CEP112: variants seen among roughly 807,000 people sequenced by gnomAD.
The protein encoded by CEP112 is centrosomal protein 112, also known as centrosomal protein of 112 kDa.
A neutral mutation model predicts 153.0 loss-of-function variants in CEP112; 127 were observed. That is an observed-to-expected ratio of 0.83 (90% confidence interval 0.72 to 0.96). The LOEUF (loss-of-function observed/expected upper bound fraction) is 0.96. Among genes scored for constraint, CEP112 ranks in the 40% least tolerant of loss-of-function variants. CEP112 has a pLI of 0.00. For synonymous variants in CEP112, 358 were observed against 374.4 expected (o/e 0.96, Z 0.51); for missense variants, 1,089 against 1,101.2 (o/e 0.99, Z 0.16).
At chr17:65,702,094 T>C (rs1375874227) in intron 23 of CEP112, among the ~76,000 whole-genome samples, 1 of 152,088 alleles carries the variant, frequency 6.6e-6, no homozygotes, top group African/African-American at 2.4e-5. Context: ...CAGGCTGGTG[T>C]TGAACTCCTG....
intron 5 of CEP112, among the ~76,000 whole-genome samples, chr17:66,130,093 C>T (rs1014107952): frequency 3.3e-5 from 5 of 152,064 alleles, no homozygotes; most frequent in African/African-American, 1.2e-4. Context: ...GTTTTGTGTG[C>T]TTGTCTGGTA....
chr17:65,775,725 AC>A (rs2053640006), intron 21 of CEP112, among the ~76,000 whole-genome samples: 1 of 151,770 alleles, frequency 6.6e-6, no homozygotes, highest in South Asian at 2.1e-4. Flanking sequence ...CTTGTTTCTA[AC>A]CCCTGACCTC....
At chr17:65,756,642 G>A (rs762371458) in intron 21 of CEP112, among the ~76,000 whole-genome samples, 9 of 152,130 alleles carry the variant, frequency 5.9e-5, no homozygotes, top group Admixed American at 2.6e-4. Flanking sequence ...GAAATTCAGA[G>A]AGGAGAGGCA....
chr17:65,823,894 T>C (rs1286918282), intron 21 of CEP112, among the ~76,000 whole-genome samples: 2 of 152,134 alleles, frequency 1.3e-5, no homozygotes, highest in Non-Finnish European at 2.9e-5. Flanking sequence ...ATTAGGGAAA[T>C]GCATGAATGG....
At chr17:66,176,172 A>T (rs1158774096) in intron 3 of CEP112, among the ~76,000 whole-genome samples, 1 of 152,178 alleles carries the variant, frequency 6.6e-6, no homozygotes, top group Non-Finnish European at 1.5e-5. Context: ...GCAGTTCATT[A>T]AAAAAATACA....
At chr17:66,009,696 C>T (rs1009251285) in intron 16 of CEP112, among the ~76,000 whole-genome samples, 1 of 152,184 alleles carries the variant, frequency 6.6e-6, no homozygotes, top group Middle Eastern at 3.4e-3. Flanking sequence ...GCCAGTTATC[C>T]CAGCACCATT....
At chr17:65,847,701 A>G (rs891600030) in intron 21 of CEP112, among the ~76,000 whole-genome samples, 2 of 152,214 alleles carry the variant, frequency 1.3e-5, no homozygotes, top group African/African-American at 4.8e-5. Flanking sequence ...AGTGGGTGGG[A>G]GGAAACAAGC....
At chr17:65,997,902 T>G (rs1185715524) in intron 17 of CEP112, among the ~76,000 whole-genome samples, 2 of 152,120 alleles carry the variant, frequency 1.3e-5, no homozygotes, top group African/African-American at 2.4e-5. Context: ...TACCTTAGCT[T>G]AGGTCTCTAC....
At position 66,159,187 on chromosome 17, in the gene CEP112, C is replaced by T. The variant is rs200098028; in HGVS notation, c.470+15857G>A. 1.6e-4 allele frequency among the ~76,000 whole-genome samples: 25 copies of T among 152,260 alleles called. No homozygotes were observed. The East Asian group carries it at 4.4e-3, about 27-fold the overall frequency. ...ACCCTGAATAGACCAATAACAAGTT[C>T]TGAAATTGAGGCAGTAATTAATAGC... On this transcript the variant is annotated intron_variant, in intron 4 of 26. Coordinates refer to ENST00000535342, the MANE Select transcript of CEP112 (RefSeq NM_001199165.4).
intron 23 of CEP112, among the ~76,000 whole-genome samples, chr17:65,721,009 C>CTTTTT (rs57507655): frequency 2.4e-5 from 3 of 125,744 alleles, no homozygotes; most frequent in Non-Finnish European, 3.4e-5. Flanking sequence ...CTCTCTCTCT[C>CTTTTT]TTTTTTTTTT....
chr17:66,132,838 AT>A, intron 4 of CEP112, 75 bp from the exon 5 acceptor site: 1 of 986,892 alleles, frequency 1.0e-6, no homozygotes, highest in South Asian at 1.3e-5. Flanking sequence ...TAGGATTACC[AT>A]TTCTTTCCCT....
intron 16 of CEP112, among the ~76,000 whole-genome samples, chr17:66,025,345 G>A (rs1411611529): frequency 3.3e-5 from 5 of 152,002 alleles, no homozygotes; most frequent in African/African-American, 7.3e-5. Flanking sequence ...AAAGACAACC[G>A]TAAGAATAGG....
chr17:65,888,602 T>C (rs1220831351), intron 20 of CEP112, among the ~76,000 whole-genome samples: 1 of 152,200 alleles, frequency 6.6e-6, no homozygotes, highest in Non-Finnish European at 1.5e-5. Flanking sequence ...CATTTTGAAT[T>C]TTGGAATGCA....
At chr17:65,696,217 G>A (rs1449480725) in intron 23 of CEP112, among the ~76,000 whole-genome samples, 1 of 152,148 alleles carries the variant, frequency 6.6e-6, no homozygotes, top group Non-Finnish European at 1.5e-5. Context: ...CACATATTCT[G>A]CCTCATTCTA....
At chr17:66,050,096 C>A (rs1346739566) in intron 12 of CEP112, among the ~76,000 whole-genome samples, 1 of 152,050 alleles carries the variant, frequency 6.6e-6, no homozygotes, top group Non-Finnish European at 1.5e-5. Flanking sequence ...ATATAAAAAT[C>A]AAAGAGATGA....
At chr17:65,740,868 A>C (rs2051090746) in intron 23 of CEP112, among the ~76,000 whole-genome samples, 1 of 152,146 alleles carries the variant, frequency 6.6e-6, no homozygotes, top group Non-Finnish European at 1.5e-5. Flanking sequence ...CAAATCAAAC[A>C]CCTGTTGCAA....
At chr17:66,134,040 C>G (rs1475599481) in intron 4 of CEP112, among the ~76,000 whole-genome samples, 1 of 151,964 alleles carries the variant, frequency 6.6e-6, no homozygotes, top group East Asian at 1.9e-4. Flanking sequence ...AGTCAATGTG[C>G]ATCAGCTGAT....
At chr17:65,913,188 T>C (rs1419102715) in intron 19 of CEP112, among the ~76,000 whole-genome samples, 2 of 152,230 alleles carry the variant, frequency 1.3e-5, no homozygotes, top group Non-Finnish European at 2.9e-5. Context: ...CTAAATTTTT[T>C]AGAGCTGCAG....
At chr17:65,799,875 TTTTATG>T (rs1230862744) in intron 21 of CEP112, among the ~76,000 whole-genome samples, 1 of 152,210 alleles carries the variant, frequency 6.6e-6, no homozygotes, top group Non-Finnish European at 1.5e-5. Context: ...TCTATAGTTG[TTTTATG>T]TTTAAAATTT....
Sources: allele counts gnomAD v4.1 joint callset (sites outside exome capture counted in the v4.1 genomes callset), GRCh38; gene constraint gnomAD v4.1.1; transcripts MANE v1.5; gene names NCBI Gene and HGNC (gene_info 2026-07-23, HGNC 2026-07-21).